Variants in DZIP3 observed in about 807,000 individuals in gnomAD.
DZIP3 encodes E3 ubiquitin-protein ligase DZIP3.
DZIP3 carries 118 observed loss-of-function variants against 162.0 expected under a neutral mutation model. The ratio of observed to expected loss-of-function variants is 0.73; its 90% CI spans 0.63 to 0.85. DZIP3 has a LOEUF of 0.85. DZIP3 is among the 40% of genes least tolerant of loss of function. The pLI, the probability that DZIP3 is intolerant of heterozygous loss-of-function variation, is 0.00. For synonymous variants in DZIP3, 438 were observed against 458.6 expected (o/e 0.96, Z 0.57); for missense variants, 1,331 against 1,407.0 (o/e 0.95, Z 0.86).
chr3:108,660,236 G>C (rs976302367), intron 19 of DZIP3, among the ~76,000 whole-genome samples: 15 of 152,030 alleles, frequency 9.9e-5, no homozygotes, highest in Admixed American at 4.6e-4. Flanking sequence ...TGACTTCAAA[G>C]TATACTACAA....
chr3:108,677,664 CACTG>C, intron 26 of DZIP3, 66 bp downstream of exon 26: 4 of 1,326,334 alleles, frequency 3.0e-6, no homozygotes, highest in Non-Finnish European at 4.3e-6. Flanking sequence ...GGCTGTGAAA[CACTG>C]AATATGCAGT....
At chr3:108,670,451 TG>T (rs1943886435) in intron 22 of DZIP3, among the ~76,000 whole-genome samples, 1 of 151,954 alleles carries the variant, frequency 6.6e-6, no homozygotes, top group Non-Finnish European at 1.5e-5. Context: ...TCATTCATGT[TG>T]TAGCATGTAT....
At chr3:108,607,928 A>T (rs1008823275) in intron 2 of DZIP3, among the ~76,000 whole-genome samples, 161 bp from the exon 3 acceptor site, 1 of 152,148 alleles carries the variant, frequency 6.6e-6, no homozygotes, top group Non-Finnish European at 1.5e-5. Context: ...CTTCTTTAAC[A>T]TGAGTCTCTA....
At chr3:108,663,533 G>C (rs979506192) in intron 21 of DZIP3, among the ~76,000 whole-genome samples, 4 of 149,746 alleles carry the variant, frequency 2.7e-5, no homozygotes, top group African/African-American at 7.4e-5. Flanking sequence ...TCCAGTCTGG[G>C]GAACAAGAGC....
chr3:108,688,780 G>A (rs1276121003), intron 30 of DZIP3, 43 bp from the exon 31 acceptor site: 2 of 1,613,862 alleles, frequency 1.2e-6, no homozygotes, highest in Admixed American at 3.3e-5. Context: ...AGATTTGGGA[G>A]AAAACAATGA....
intron 22 of DZIP3, among the ~76,000 whole-genome samples, chr3:108,670,237 A>T (rs561834095): frequency 6.6e-6 from 1 of 151,882 alleles, no homozygotes; most frequent in African/African-American, 2.4e-5. Context: ...CATCACCACT[A>T]TCTATTTCCA....
chr3:108,619,298 GT>G lies in DZIP3; in HGVS notation c.375+2642del, dbSNP rs563421403. Among the ~76,000 whole-genome samples the G allele has an allele frequency of 5.8e-3, 819 of 140,524 alleles. 8 individuals are homozygous for G. Among genetic ancestry groups the G allele is most frequent in the South Asian group, 0.026 (107 of 4,196 alleles). 92.2% of individuals were successfully genotyped at this position (140,524 alleles called of 152,430 possible). ...TGTGTGTATGTGTGTGGGTATATGTGTGTATGTGTGTGTGTGTGTGTGTGTG... is the reference window on the plus strand; with the variant it reads ...TGTGTGTATGTGTGTGGGTATATGTGGTATGTGTGTGTGTGTGTGTGTGTG... On this transcript the variant is annotated intron_variant, in intron 5 of 32. Transcript: ENST00000361582.
At position 108,643,004 on chromosome 3, in the gene DZIP3, G is replaced by A. The variant is rs545214682; in HGVS notation, c.1141+490G>A. ...ATTAAGGGACCCTGGGCCCATAGAA[G>A]AATAGTTTGGTGGCAGTCCAGCCAA... On this transcript the variant is annotated intron_variant, in intron 13 of 32. Coordinates refer to ENST00000361582, the MANE Select transcript of DZIP3 (RefSeq NM_014648.4). 2.0e-5 allele frequency among the ~76,000 whole-genome samples: 3 copies of A among 152,296 alleles called. No individual in the cohort carries two copies. In the East Asian group the frequency reaches 5.8e-4, roughly 29 times the overall value.
Position 108,636,688 on chromosome 3 carries a change from C to A in DZIP3, c.991C>A (p.Pro331Thr). ...DMVRMLQCDV[P>T]GIVKILFEVV... ...GGTAAGGATGCTGCAATGTGATGTA[C>A]CTGGAATTGTTAAAATTTTGGTGAG... The change falls in exon 11 of 33, where the codon CCT becomes ACT. Residue 331 changes from proline to threonine, a missense_variant. Coordinates refer to ENST00000361582, the MANE Select transcript of DZIP3 (RefSeq NM_014648.4). The A allele has an allele frequency of 6.3e-7, 1 of 1,576,480 alleles. No individual in the cohort carries two copies. Among genetic ancestry groups the A allele is most frequent in the Non-Finnish European group, 8.6e-7 (1 of 1,168,304 alleles).
intron 31 of DZIP3, among the ~76,000 whole-genome samples, chr3:108,689,934 A>G (rs563525191): frequency 1.8e-3 from 269 of 152,320 alleles, no homozygotes; most frequent in African/African-American, 6.1e-3. Context: ...CAAAGATATG[A>G]TATGTGGTAC....
chr3:108,674,297 A>T, intron 24 of DZIP3, 116 bp downstream of exon 24: 1 of 810,106 alleles, frequency 1.2e-6, no homozygotes, highest in Non-Finnish European at 1.8e-6. Flanking sequence ...TTCTTAAAGA[A>T]GCTCTTGTGG....
chr3:108,691,511 A>G (rs539400893), intron 32 of DZIP3: 2 of 152,282 alleles, frequency 1.3e-5, no homozygotes, highest in Admixed American at 1.3e-4. Flanking sequence ...TCATTTGTTC[A>G]GATTCTTCTC....
intron 18 of DZIP3, among the ~76,000 whole-genome samples, chr3:108,652,600 T>C (rs996689234): frequency 4.0e-5 from 6 of 151,812 alleles, no homozygotes; most frequent in Non-Finnish European, 8.9e-5. Flanking sequence ...AAATTTAGTG[T>C]AGCCTGAGTT....
intron 19 of DZIP3, among the ~76,000 whole-genome samples, chr3:108,655,432 A>G (rs1281713190): frequency 6.6e-6 from 1 of 152,168 alleles, no homozygotes; most frequent in Non-Finnish European, 1.5e-5. Flanking sequence ...AAATGGAAAT[A>G]ATGACTGCCT....
Position 108,609,124 on chromosome 3 carries a change from C to T in DZIP3, c.102+966C>T, listed in dbSNP as rs542960911. Among the ~76,000 whole-genome samples, 15 of 152,272 alleles carry T rather than the reference C, an allele frequency of 9.9e-5. 1 individual carries two copies. The highest frequency in any genetic ancestry group is 6.5e-4 in the Admixed American group (10 of 15,282). ...TGATGCTAAACTATTAGAAACCACC[C>T]CCATGATCCAATCACCTCCTACCAG... On this transcript the variant is annotated intron_variant, in intron 3 of 32. Coordinates refer to ENST00000361582, the MANE Select transcript of DZIP3 (RefSeq NM_014648.4).
intron 1 of DZIP3, among the ~76,000 whole-genome samples, chr3:108,600,352 T>C (rs1314349929): frequency 6.6e-6 from 1 of 152,216 alleles, no homozygotes; most frequent in African/African-American, 2.4e-5. Context: ...TAGCATTTTT[T>C]TTTTTTAAAG....
chr3:108,625,924 CTTTAG>C lies in DZIP3; in HGVS notation c.541_545del (p.Val181PhefsTer14), dbSNP rs758609156. On this transcript the variant is annotated frameshift_variant, in exon 7 of 33. Coordinates refer to ENST00000361582, the MANE Select transcript of DZIP3 (RefSeq NM_014648.4). LOFTEE classifies it high-confidence loss of function. ...AATGAAATTTGTGAAAACTTTATGTCTTTAGTTTATTTTGGACGTGGTTTACTGCG... is the reference window on the plus strand; with the variant it reads ...AATGAAATTTGTGAAAACTTTATGTCTTTATTTTGGACGTGGTTTACTGCG... 9.3e-6 allele frequency: 15 copies of C among 1,613,166 alleles called. No individual in the cohort carries two copies. The highest frequency in any genetic ancestry group is 1.2e-5 in the Non-Finnish European group (14 of 1,179,678).
intron 25 of DZIP3, 77 bp from the exon 26 acceptor site, chr3:108,677,420 A>G (rs1944154005): frequency 1.6e-6 from 2 of 1,229,458 alleles, no homozygotes; most frequent in South Asian, 2.5e-5. Context: ...ATTATTCAAA[A>G]CTACATCAGA....
chr3:108,591,990 A>G (rs6799499), intron 1 of DZIP3, among the ~76,000 whole-genome samples: 2 of 151,030 alleles, frequency 1.3e-5, no homozygotes, highest in Non-Finnish European at 3.0e-5. Context: ...AAAAAAAAAA[A>G]AAAAAAAGAG....
Sources: allele counts gnomAD v4.1 joint callset (sites outside exome capture counted in the v4.1 genomes callset), GRCh38; gene constraint gnomAD v4.1.1; transcripts MANE v1.5; gene names NCBI Gene and HGNC (gene_info 2026-07-23, HGNC 2026-07-21).